The following DTHD1 variants were observed in gnomAD, a reference collection of about 807,000 sequenced individuals.
DTHD1 encodes death domain containing 1, also known as death domain-containing protein 1.
In DTHD1, 59 loss-of-function variants were observed where a neutral mutation model predicts 74.8. The ratio of observed to expected loss-of-function variants is 0.79; its 90% CI spans 0.64 to 0.98. The LOEUF (loss-of-function observed/expected upper bound fraction) is 0.98, where lower values mean the gene tolerates loss of function less well. Among genes scored for constraint, DTHD1 ranks in the 50% least tolerant of loss-of-function variants. The pLI is 0.00. For synonymous variants in DTHD1, 365 were observed against 371.1 expected (o/e 0.98, Z 0.19); for missense variants, 1,051 against 1,065.4 (o/e 0.99, Z 0.19).
rs1759582452 is a variant in DTHD1 at position 36,346,314 on chromosome 4, T to A, written c.*2490T>A. 1.3e-5 allele frequency among the ~76,000 whole-genome samples: 2 copies of A among 151,814 alleles called. No individual in the cohort carries two copies. Among genetic ancestry groups the A allele is most frequent in the Admixed American group, 1.3e-4 (2 of 15,196 alleles). On this transcript the variant is annotated 3_prime_UTR_variant, in exon 10 of 10. Transcript: ENST00000639862. ...CACATATACAATCTCATTAAAACACTCCCTGTCATAACCCTCCCGTCTTTC... is the reference window on the plus strand; with the variant it reads ...CACATATACAATCTCATTAAAACACACCCTGTCATAACCCTCCCGTCTTTC...
At chr4:36,285,221 C>T (rs1207242496) in intron 2 of DTHD1, among the ~76,000 whole-genome samples, 1 of 151,964 alleles carries the variant, frequency 6.6e-6, no homozygotes, top group African/African-American at 2.4e-5. Context: ...GAGCAATTGT[C>T]CAGATCATGA....
Position 36,293,564 on chromosome 4 carries a change from C to A in DTHD1, c.1257C>A (p.Ile419=). The A allele has an allele frequency of 6.5e-7, 1 of 1,547,314 alleles. No individual in the cohort carries two copies. The highest frequency in any genetic ancestry group is 1.2e-5 in the South Asian group (1 of 83,594). The change falls in exon 4 of 10, where the codon ATC becomes ATA. Residue 419 remains isoleucine, a synonymous_variant. Transcript: ENST00000639862. The part of the protein sequence containing the change: ...CASVKVYKLG[I]FSVVSCLKKE... ...CAGTAAAAGTTTACAAATTGGGTAT[C>A]TTTTCTGTTGTGTCTTGTTTAAAGA... is the stretch of plus-strand genomic sequence containing the variant.
chr4:36,342,918 C>CAA (rs55956868), intron 9 of DTHD1, among the ~76,000 whole-genome samples: 13,395 of 96,726 alleles, frequency 0.14, 877 homozygotes, highest in Non-Finnish European at 0.18. Context: ...ACTAAAAATA[C>CAA]AAAAAAAAAA....
chr4:36,320,306 C>T (rs781620743), intron 8 of DTHD1, among the ~76,000 whole-genome samples: 10 of 152,120 alleles, frequency 6.6e-5, no homozygotes, highest in Non-Finnish European at 1.2e-4. Flanking sequence ...CAACGAACTG[C>T]GCAGGCACAG....
chr4:36,302,985 T>C (rs73229056), intron 5 of DTHD1, among the ~76,000 whole-genome samples: 18,162 of 152,190 alleles, frequency 0.12, 1,384 homozygotes, highest in South Asian at 0.26. Flanking sequence ...TGAATGCTTG[T>C]CAAATTCTGT....
intron 7 of DTHD1, chr4:36,311,739 A>G (rs1357032266): frequency 2.0e-5 from 3 of 151,872 alleles, no homozygotes; most frequent in African/African-American, 7.3e-5. Context: ...GGCAGCATTC[A>G]GTCTCCATCC....
In DTHD1 at chr4:36,339,147, AAG is replaced by A; in HGVS notation, c.2379_2380del (p.Arg793SerfsTer3). On this transcript the variant is annotated frameshift_variant, in exon 9 of 10. Coordinates refer to ENST00000639862, the MANE Select transcript of DTHD1 (RefSeq NM_001170700.3). LOFTEE classifies it high-confidence loss of function. ...KLINRPQSTKRVSKDPVEALW... is the reference protein window; with the variant it reads ...KLINRPQSTKXVSKDPVEALW... ...TAATCAACCGTCCACAGAGTACCAA[AAG>A]AGTTTCTAAGGATCCTGTAGGTGAG... 2.6e-6 allele frequency: 4 copies of A among 1,547,778 alleles called. No homozygotes were observed. The highest frequency in any genetic ancestry group is 3.5e-6 in the Non-Finnish European group (4 of 1,144,080).
chr4:36,298,498 A>G (rs181438510), intron 5 of DTHD1, among the ~76,000 whole-genome samples: 1 of 152,322 alleles, frequency 6.6e-6, no homozygotes, highest in East Asian at 1.9e-4. Context: ...AAACAAGCAA[A>G]TGAGACTCCA....
At chr4:36,284,968 G>A (rs780441183) in intron 2 of DTHD1, among the ~76,000 whole-genome samples, 175 of 152,180 alleles carry the variant, frequency 1.1e-3, no homozygotes, top group Middle Eastern at 3.4e-3. Context: ...TCACCTTGGG[G>A]GTCAGGATTT....
intron 5 of DTHD1, among the ~76,000 whole-genome samples, chr4:36,304,501 A>G (rs1164052048): frequency 2.0e-5 from 3 of 152,212 alleles, no homozygotes; most frequent in Non-Finnish European, 4.4e-5. Context: ...GGACAGGTCA[A>G]CCTGTGAAAG....
At chr4:36,328,760 C>T (rs532089208) in intron 8 of DTHD1, among the ~76,000 whole-genome samples, 1 of 152,308 alleles carries the variant, frequency 6.6e-6, no homozygotes, top group African/African-American at 2.4e-5. Context: ...TATTGCTACA[C>T]CCAATAAAAT....
chr4:36,347,287 A>T lies in DTHD1; in HGVS notation c.*3463A>T, dbSNP rs2109597397. On this transcript the variant is annotated 3_prime_UTR_variant, in exon 10 of 10. Coordinates refer to ENST00000639862, the MANE Select transcript of DTHD1 (RefSeq NM_001170700.3). Reference sequence around the variant, plus strand: ...TGCAGTATATATTCTTTTATGTTTGACTTTTTATTCAACTTTATGTTGCTG... The same window carrying T: ...TGCAGTATATATTCTTTTATGTTTGTCTTTTTATTCAACTTTATGTTGCTG... 6.6e-6 allele frequency among the ~76,000 whole-genome samples: 1 copy of T among 152,164 alleles called. No individual in the cohort carries two copies. The highest frequency in any genetic ancestry group is 1.5e-5 in the Non-Finnish European group (1 of 67,936).
chr4:36,310,889 G>C (rs1044479723), intron 7 of DTHD1, among the ~76,000 whole-genome samples: 29 of 152,204 alleles, frequency 1.9e-4, no homozygotes, highest in Middle Eastern at 3.4e-3. Flanking sequence ...AGGAAGGAAG[G>C]GTGGAAGAGG....
At chr4:36,302,072 G>A (rs1318273301) in intron 5 of DTHD1, among the ~76,000 whole-genome samples, 2 of 152,148 alleles carry the variant, frequency 1.3e-5, no homozygotes, top group Admixed American at 6.5e-5. Flanking sequence ...CAGCGTCATC[G>A]GGAGCTCAAG....
At chr4:36,340,838 G>C (rs1233391142) in intron 9 of DTHD1, among the ~76,000 whole-genome samples, 2 of 152,110 alleles carry the variant, frequency 1.3e-5, no homozygotes, top group African/African-American at 4.8e-5. Flanking sequence ...GAAGAGGCCT[G>C]AGATGGGATG....
At chr4:36,332,460 G>A (rs143224769) in intron 8 of DTHD1, among the ~76,000 whole-genome samples, 13 of 152,208 alleles carry the variant, frequency 8.5e-5, no homozygotes, top group African/African-American at 2.9e-4. Flanking sequence ...CTTTGCGGCT[G>A]GGAAGGCACT....
chr4:36,322,683 T>C (rs1307841644), intron 8 of DTHD1, among the ~76,000 whole-genome samples: 6 of 152,216 alleles, frequency 3.9e-5, no homozygotes, highest in African/African-American at 1.4e-4. Context: ...TGATACTTCA[T>C]ATTCTATATA....
chr4:36,304,878 T>C (rs143789283), intron 5 of DTHD1, among the ~76,000 whole-genome samples: 92 of 152,350 alleles, frequency 6.0e-4, no homozygotes, highest in African/African-American at 2.2e-3. Flanking sequence ...TTTCTGCTTA[T>C]TAATTTTCAT....
At chr4:36,303,643 G>A (rs1359542579) in intron 5 of DTHD1, among the ~76,000 whole-genome samples, 5 of 152,110 alleles carry the variant, frequency 3.3e-5, no homozygotes, top group East Asian at 3.9e-4. Context: ...GCATAAAAGT[G>A]CAGGGCCTGA....
Sources: gnomAD v4.1 joint callset for allele counts (sites outside exome capture counted in the v4.1 genomes callset) on GRCh38, gnomAD v4.1.1 for gene constraint, MANE v1.5 for transcripts, NCBI Gene and HGNC (gene_info 2026-07-23, HGNC 2026-07-21) for gene names.